The following SLC45A2 variants were observed in gnomAD, a reference collection of about 807,000 sequenced individuals.
SLC45A2 encodes the protein solute carrier family 45 member 2.
SLC45A2 carries 36 observed loss-of-function variants against 45.5 expected under a neutral mutation model. The ratio of observed to expected loss-of-function variants is 0.79; its 90% CI spans 0.61 to 1.04. The LOEUF is 1.04. Ranked by LOEUF, SLC45A2 falls within the 50% of genes least tolerant of loss-of-function variation. SLC45A2 has a pLI of 0.00. For missense variants in SLC45A2, 719 were observed against 671.0 expected (o/e 1.07, Z -0.79); for synonymous variants, 306 against 269.3 (o/e 1.14, Z -1.33).
In SLC45A2 at chr5:33,951,615, T is replaced by A; in HGVS notation, c.1095A>T (p.Arg365Ser). The change falls in exon 5 of 7, where the codon AGA (arginine) becomes AGT (serine). Residue 365 changes from arginine to serine, a missense_variant. Arg to Ser is a moderately radical substitution (Grantham distance 110). Transcript: ENST00000296589. ...HNSTEFLIYE[R>S]GVEVGCWGLC... ...AGCCCCAACATCCAACCTCGACTCC[T>A]CTTTCGTAGATGAGAAACTCTGTGG... 1 of 1,614,186 alleles carries A rather than the reference T, an allele frequency of 6.2e-7. No homozygotes were observed. The highest frequency in any genetic ancestry group is 8.5e-7 in the Non-Finnish European group (1 of 1,180,026).
chr5:33,971,804 T>C (rs73077141), intron 2 of SLC45A2, among the ~76,000 whole-genome samples: 8,301 of 152,030 alleles, frequency 0.055, 781 homozygotes, highest in African/African-American at 0.19. Context: ...TTTTTGTGTT[T>C]TTAGTACAGA....
chr5:33,972,312 C>T (rs1408935314), intron 2 of SLC45A2: 3 of 399,914 alleles, frequency 7.5e-6, no homozygotes, highest in East Asian at 6.5e-5. Flanking sequence ...ACCAAATACA[C>T]GGGATCTTGC....
chr5:33,948,421 C>T (rs1188565525), intron 5 of SLC45A2, among the ~76,000 whole-genome samples: 1 of 152,214 alleles, frequency 6.6e-6, no homozygotes, highest in Non-Finnish European at 1.5e-5. Flanking sequence ...TCTCCTGGAA[C>T]ACAAGAATCA....
chr5:33,976,013 A>G (rs1254850439), intron 2 of SLC45A2, among the ~76,000 whole-genome samples: 2 of 152,182 alleles, frequency 1.3e-5, no homozygotes, highest in Non-Finnish European at 2.9e-5. Flanking sequence ...GAAACATTAA[A>G]TTGTTGGCTC....
At chr5:33,946,705 A>C (rs1334228597) in intron 6 of SLC45A2, 3 of 1,053,470 alleles carry the variant, frequency 2.8e-6, no homozygotes, top group Non-Finnish European at 3.4e-6. Context: ...TCCTACCCTC[A>C]GCAAATAATG....
chr5:33,984,286 C>G lies in SLC45A2; in HGVS notation c.298G>C (p.Gly100Arg). Reference protein sequence around the residue: ...SASDHCRSRWGRRRPYILTLG... With the variant: ...SASDHCRSRWRRRRPYILTLG... ...GTGAGGATGTAGGGTCTCCGGCGGCCCCACCTGGACCGGCAGTGGTCGCTG... is the reference window on the plus strand; with the variant it reads ...GTGAGGATGTAGGGTCTCCGGCGGCGCCACCTGGACCGGCAGTGGTCGCTG... The change falls in exon 1 of 7, where the codon GGC (glycine) becomes CGC (arginine). Residue 100 changes from glycine (G) to arginine (R), a missense_variant. Coordinates refer to ENST00000296589, the MANE Select transcript of SLC45A2 (RefSeq NM_016180.5). The G allele has an allele frequency of 6.2e-7, 1 of 1,614,168 alleles. No homozygotes were observed. Among genetic ancestry groups the G allele is most frequent in the Non-Finnish European group, 8.5e-7 (1 of 1,180,036 alleles).
rs560928486 is a variant in SLC45A2 at position 33,965,376 on chromosome 5, T to C, written c.563-1360A>G. Among the ~76,000 whole-genome samples the C allele has an allele frequency of 1.0e-3, 152 of 152,360 alleles. 1 individual carries two copies. The highest frequency in any genetic ancestry group is 3.6e-3 in the African/African-American group (148 of 41,590). ...AGAGTAGACAATTTTGGTCACTTCA[T>C]ATTCTGGTTAGTTGCAATTTAACAT... On this transcript the variant is annotated intron_variant, in intron 2 of 6. Transcript: ENST00000296589.
At chr5:33,951,920 T>C (rs1752113595) in intron 4 of SLC45A2, among the ~76,000 whole-genome samples, 2 of 152,092 alleles carry the variant, frequency 1.3e-5, no homozygotes, top group Admixed American at 6.5e-5. Context: ...TTAACATTCC[T>C]CCTTCCATCT....
intron 1 of SLC45A2, 117 bp downstream of exon 1, chr5:33,984,082 G>A (rs1178704273): frequency 6.9e-7 from 1 of 1,452,908 alleles, no homozygotes; most frequent in Non-Finnish European, 9.5e-7. Flanking sequence ...TTGTAACCTA[G>A]GAGAGATCAA....
Position 33,969,065 on chromosome 5 carries a change from C to CTCTGTG in SLC45A2, c.563-5050_563-5049insCACAGA. Among the ~76,000 whole-genome samples the CTCTGTG allele has an allele frequency of 1.5e-3, 149 of 102,464 alleles. 2 individuals are homozygous for CTCTGTG. The highest frequency in any genetic ancestry group is 4.9e-3 in the Middle Eastern group (1 of 206). The allele number at this position is 102,464 out of a possible 152,430, so 67.2% of individuals were successfully genotyped here. On this transcript the variant is annotated intron_variant, in intron 2 of 6. Transcript: ENST00000296589. ...AGCTACTCTCTCTCTCTCTCTCTCT[C>CTCTGTG]TGTGTGTGTGTGTGTGTGTGTGTGT...
At chr5:33,951,337 G>A (rs1453321038) in intron 5 of SLC45A2, 2 of 1,299,582 alleles carry the variant, frequency 1.5e-6, no homozygotes, top group Non-Finnish European at 2.0e-6. Context: ...CTGATTCCAA[G>A]AGCAAAGTAA....
rs886060519 is a variant in SLC45A2 at position 33,984,212 on chromosome 5, A to T, written c.372T>A (p.Ala124=). 13 of 1,613,926 alleles carry T rather than the reference A, an allele frequency of 8.1e-6. No individual in the cohort carries two copies. The highest frequency in any genetic ancestry group is 1.3e-5 in the African/African-American group (1 of 74,928). Residue 124 remains alanine (A), a synonymous_variant, in exon 1 of 7, where the codon GCT becomes GCA. Transcript: ENST00000296589. The stretch of plus-strand genomic sequence containing the variant: ...CAGCCCACTTACCTGCTACAACAGT[A>T]GCCCCATTGAGGTACAGAGCCATGC... ...LVGMALYLNG[A]TVVAALIANP...
At chr5:33,980,738 A>G (rs917092770) in intron 2 of SLC45A2, among the ~76,000 whole-genome samples, 6 of 152,204 alleles carry the variant, frequency 3.9e-5, no homozygotes, top group Non-Finnish European at 5.9e-5. Flanking sequence ...TGATAGATAA[A>G]TAAATAGCCA....
Position 33,984,398 on chromosome 5 carries a change from G to C in SLC45A2, c.186C>G (p.Ser62Arg), listed in dbSNP as rs977911360. 1.9e-6 allele frequency: 3 copies of C among 1,613,268 alleles called. No individual in the cohort carries two copies. Among genetic ancestry groups the C allele is most frequent in the Non-Finnish European group, 1.7e-6 (2 of 1,179,660 alleles). ...TGTACAGGCTGCTGGGCAGACCTAC[G>C]CTGAGCAGGACTGGGGTCACATACG... is the stretch of plus-strand genomic sequence containing the variant. Reference protein sequence around the residue: ...EAAYVTPVLLSVGLPSSLYSI... With the variant: ...EAAYVTPVLLRVGLPSSLYSI... Residue 62 changes from serine (S) to arginine (R), a missense_variant, in exon 1 of 7, where the codon AGC becomes AGG. Physicochemically the swap from Ser to Arg is moderately radical, Grantham distance 110. Coordinates refer to ENST00000296589, the MANE Select transcript of SLC45A2 (RefSeq NM_016180.5).
chr5:33,944,929 C>T (rs1214803930), intron 6 of SLC45A2, 57 bp from the exon 7 acceptor site: 1 of 1,541,284 alleles, frequency 6.5e-7, no homozygotes, highest in African/African-American at 1.4e-5. Context: ...ATTTAGGGCA[C>T]AGGTCAGCAA....
chr5:33,973,446 A>G (rs1237457422), intron 2 of SLC45A2, among the ~76,000 whole-genome samples: 1 of 152,088 alleles, frequency 6.6e-6, no homozygotes, highest in Non-Finnish European at 1.5e-5. Context: ...ATGAAACAAA[A>G]CCACTCATCT....
intron 6 of SLC45A2, chr5:33,946,217 C>T: frequency 6.1e-6 from 6 of 985,478 alleles, no homozygotes; most frequent in Non-Finnish European, 7.2e-6. Context: ...TTAGCAGCAA[C>T]ATCCCACCTT....
chr5:33,984,524 G>T lies in SLC45A2; in HGVS notation c.60C>A (p.Gly20=). 1 of 1,612,786 alleles carries T rather than the reference G, an allele frequency of 6.2e-7. No homozygotes were observed. The highest frequency in any genetic ancestry group is 8.5e-7 in the Non-Finnish European group (1 of 1,180,020). ...RHIYKSLADD[G]PFDSVEPPKR... ...TAGGCGGCTCCACAGAGTCAAAGGG[G>T]CCATCATCAGCTAGGGATTTATAGA... Residue 20 remains glycine, a synonymous_variant, in exon 1 of 7, where the codon GGC becomes GGA. Transcript: ENST00000296589.
At chr5:33,955,182 C>T (rs1752238822) in intron 3 of SLC45A2, among the ~76,000 whole-genome samples, 1 of 152,096 alleles carries the variant, frequency 6.6e-6, no homozygotes, top group African/African-American at 2.4e-5. Context: ...CTTGAAAGGA[C>T]CTGAGAGTGA....
Sources: allele counts gnomAD v4.1 joint callset (sites outside exome capture counted in the v4.1 genomes callset), GRCh38; gene constraint gnomAD v4.1.1; transcripts MANE v1.5; gene names NCBI Gene and HGNC (gene_info 2026-07-23, HGNC 2026-07-21).